DNAAF10: variants seen among roughly 807,000 people sequenced by gnomAD.
The protein encoded by DNAAF10 is dynein axonemal assembly factor 10.
A neutral mutation model predicts 43.7 loss-of-function variants in DNAAF10; 28 were observed. That is an observed-to-expected ratio of 0.64 (90% CI 0.48 to 0.88). DNAAF10 has a LOEUF of 0.88. Among genes scored for constraint, DNAAF10 ranks in the 40% least tolerant of loss-of-function variants. The pLI is 0.00. For missense variants in DNAAF10, 403 were observed against 439.1 expected (o/e 0.92, Z 0.73); for synonymous variants, 156 against 157.3 (o/e 0.99, Z 0.06).
chr2:68,153,836 C>T (rs542488262), intron 1 of DNAAF10, among the ~76,000 whole-genome samples: 9 of 132,830 alleles, frequency 6.8e-5, no homozygotes, highest in Admixed American at 6.5e-4. Context: ...ACTGCAACTT[C>T]TGCCTCCCGG....
intron 3 of DNAAF10, among the ~76,000 whole-genome samples, chr2:68,142,567 T>C (rs1673214769): frequency 6.6e-6 from 1 of 152,214 alleles, no homozygotes; most frequent in Non-Finnish European, 1.5e-5. Flanking sequence ...CCTAGAATAC[T>C]ATTTCATATA....
At chr2:68,140,706 T>C (rs925981898) in intron 4 of DNAAF10, among the ~76,000 whole-genome samples, 6 of 152,198 alleles carry the variant, frequency 3.9e-5, no homozygotes, top group Admixed American at 1.3e-4. Context: ...CAGGCCGTCC[T>C]AACACCTCTG....
At chr2:68,149,286 A>C (rs1673397937) in intron 1 of DNAAF10, among the ~76,000 whole-genome samples, 2 of 152,110 alleles carry the variant, frequency 1.3e-5, no homozygotes, top group South Asian at 4.1e-4. Context: ...GAACTTTCCT[A>C]TTGTTTGTGA....
intron 1 of DNAAF10, chr2:68,156,860 T>C: frequency 4.6e-6 from 1 of 218,248 alleles, no homozygotes; most frequent in Non-Finnish European, 9.2e-6. Context: ...TATGTATCGT[T>C]GCTTTGATTA....
intron 2 of DNAAF10, among the ~76,000 whole-genome samples, chr2:68,145,676 G>A (rs1673299057): frequency 6.6e-6 from 1 of 152,156 alleles, no homozygotes; most frequent in Non-Finnish European, 1.5e-5. Context: ...CTGCAAGACA[G>A]GCTGAAGTTC....
In DNAAF10 at chr2:68,141,719, CTT is replaced by C. The variant is rs747856723; in HGVS notation, c.490_491del (p.Lys164GlufsTer13). 16 of 1,613,998 alleles carry C rather than the reference CTT, an allele frequency of 9.9e-6. No individual in the cohort carries two copies. The highest frequency in any genetic ancestry group is 2.2e-5 in the South Asian group (2 of 91,058). ...CAAATGCCACAGTCCAACAGTCTCT[CTT>C]GTTTTCTCCTTGTACAGGTTCCATA... ...ANMEPVQGEN[K>X]RDCWTVAFGN... On this transcript the variant is annotated frameshift_variant, in exon 4 of 8. Transcript: ENST00000295121. LOFTEE classifies it high-confidence loss of function.
At chr2:68,144,380 T>C (rs1673263460) in intron 3 of DNAAF10, among the ~76,000 whole-genome samples, 1 of 152,210 alleles carries the variant, frequency 6.6e-6, no homozygotes, top group African/African-American at 2.4e-5. Flanking sequence ...TAATAAGTGC[T>C]ATGAATCTAT....
rs1230256533 is a variant in DNAAF10 at position 68,130,624 on chromosome 2, G to C, written c.*614C>G. ...ATAAAGATAAAATATGGAACTTCAG[G>C]GACACAGAACAAATCTGAAATATGT... On this transcript the variant is annotated 3_prime_UTR_variant, in exon 8 of 8. Coordinates refer to ENST00000295121, the MANE Select transcript of DNAAF10 (RefSeq NM_138458.4). 1 of 152,500 alleles carries C rather than the reference G, an allele frequency of 6.6e-6. No homozygotes were observed. Among genetic ancestry groups the C allele is most frequent in the Non-Finnish European group, 1.5e-5 (1 of 68,104 alleles). 9.4% of individuals were successfully genotyped at this position (152,500 alleles called of 1,614,324 possible). A position where few individuals can be genotyped will look rare whatever the true frequency, so the allele number is the denominator to read the frequency against.
intron 1 of DNAAF10, among the ~76,000 whole-genome samples, chr2:68,149,251 G>A (rs1006393357): frequency 6.6e-6 from 1 of 152,126 alleles, no homozygotes; most frequent in Non-Finnish European, 1.5e-5. Context: ...ATATGGTATA[G>A]GGCTTTGGAA....
In DNAAF10 at chr2:68,130,931, TTTTTG is replaced by T; in HGVS notation, c.*302_*306del. 5.8e-6 allele frequency: 1 copy of T among 171,928 alleles called. No individual in the cohort carries two copies. The highest frequency in any genetic ancestry group is 1.2e-5 in the Non-Finnish European group (1 of 81,610). 10.7% of individuals were successfully genotyped at this position (171,928 alleles called of 1,614,324 possible). A position where few individuals can be genotyped will look rare whatever the true frequency, so the allele number is the denominator to read the frequency against. On this transcript the variant is annotated 3_prime_UTR_variant, in exon 8 of 8. Transcript: ENST00000295121. ...TCCAAAGTCTTTTTTTTTTTTTTTT[TTTTTG>T]AGACAGTCTTGCTCAGTTGCCCAGG... is the stretch of plus-strand genomic sequence containing the variant.
In DNAAF10 at chr2:68,130,914, C is replaced by CTTTTTTTTTTTTTTTTTTTTTTTT. The variant is rs879114176; in HGVS notation, c.*323_*324insAAAAAAAAAAAAAAAAAAAAAAAA. 8.2e-6 allele frequency: 1 copy of CTTTTTTTTTTTTTTTTTTTTTTTT among 121,824 alleles called. No homozygotes were observed. The highest frequency in any genetic ancestry group is 3.7e-5 in the African/African-American group (1 of 27,012). 7.5% of individuals were successfully genotyped at this position (121,824 alleles called of 1,614,324 possible). A position where few individuals can be genotyped will look rare whatever the true frequency, so the allele number is the denominator to read the frequency against. On this transcript the variant is annotated 3_prime_UTR_variant, in exon 8 of 8. Transcript: ENST00000295121. ...CTCTGGAAGGTTTCAAGTCCAAAGT[C>CTTTTTTTTTTTTTTTTTTTTTTTT]TTTTTTTTTTTTTTTTTTTTTGAGA...
In DNAAF10 at chr2:68,137,338, T is replaced by C. The variant is rs1475891665; in HGVS notation, c.729A>G (p.Thr243=). The change falls in exon 6 of 8, where the codon ACA becomes ACG. Residue 243 remains threonine, a synonymous_variant. Transcript: ENST00000295121. ...EGKFHVFDMR[T]QHPTKGFASV... is the part of the protein sequence containing the mutation. ...AGGCAAAACCTTTGGTTGGATGCTG[T>C]GTTCTCATGTCAAAAACATGGAACT... is the stretch of plus-strand genomic sequence containing the variant. 4 of 1,613,540 alleles carry C rather than the reference T, an allele frequency of 2.5e-6. No individual in the cohort carries two copies. Among genetic ancestry groups the C allele is most frequent in the Admixed American group, 1.7e-5 (1 of 59,900 alleles).
rs189207251 is a variant in DNAAF10 at position 68,137,095 on chromosome 2, T to C, written c.768+204A>G. Among the ~76,000 whole-genome samples, 337 of 152,304 alleles carry C rather than the reference T, an allele frequency of 2.2e-3. 1 individual carries two copies. Among genetic ancestry groups the C allele is most frequent in the Middle Eastern group, 3.4e-3 (1 of 294 alleles). ...AAAATAAGATTCCTACCTGAGATCTTTATTATAATCAAGAAGTCTAAAGTT... is the reference window on the plus strand; with the variant it reads ...AAAATAAGATTCCTACCTGAGATCTCTATTATAATCAAGAAGTCTAAAGTT... On this transcript the variant is annotated intron_variant, in intron 6 of 7. Coordinates refer to ENST00000295121, the MANE Select transcript of DNAAF10 (RefSeq NM_138458.4).
chr2:68,155,096 G>C (rs1444343892), intron 1 of DNAAF10, among the ~76,000 whole-genome samples: 5 of 151,486 alleles, frequency 3.3e-5, no homozygotes, highest in African/African-American at 1.2e-4. Context: ...AAAGTCACAG[G>C]TCTAAGCCCT....
rs1481183469 is a variant in DNAAF10 at position 68,137,310 on chromosome 2, C to A, written c.757G>T (p.Val253Phe). 6.2e-6 allele frequency: 10 copies of A among 1,609,870 alleles called. No homozygotes were observed. Among genetic ancestry groups the A allele is most frequent in the Non-Finnish European group, 8.5e-6 (10 of 1,178,246 alleles). The change falls in exon 6 of 8, where the codon GTT becomes TTT. Residue 253 changes from valine (V) to phenylalanine (F), a missense_variant. Physicochemically the swap from Val to Phe is conservative, Grantham distance 50. Transcript: ENST00000295121. ...TCCCTCATATTTACCTTTTCTGAAA[C>A]AGAGGCAAAACCTTTGGTTGGATGC... ...TQHPTKGFAS[V>F]SEKAHKSTVW... is the part of the protein sequence containing the mutation.
intron 1 of DNAAF10, among the ~76,000 whole-genome samples, chr2:68,153,173 T>C (rs1184050483): frequency 6.6e-6 from 1 of 152,032 alleles, no homozygotes; most frequent in Non-Finnish European, 1.5e-5. Context: ...CACCTTTGTG[T>C]GGTGCAAAAA....
At chr2:68,144,887 T>C (rs1033726169) in intron 2 of DNAAF10, among the ~76,000 whole-genome samples, 172 bp from the exon 3 acceptor site, 1 of 152,186 alleles carries the variant, frequency 6.6e-6, no homozygotes, top group Non-Finnish European at 1.5e-5. Context: ...CCATTCAACT[T>C]CTTTCAAGCC....
At chr2:68,133,791 G>A (rs1041083839) in intron 7 of DNAAF10, among the ~76,000 whole-genome samples, 5 of 152,004 alleles carry the variant, frequency 3.3e-5, no homozygotes, top group South Asian at 2.1e-4. Flanking sequence ...TTTTGTCAGC[G>A]GTATCCCTGC....
At chr2:68,156,911 A>T (rs879460135) in intron 1 of DNAAF10, 1 of 304,940 alleles carries the variant, frequency 3.3e-6, no homozygotes, top group Non-Finnish European at 6.2e-6. Context: ...AAACTCCATG[A>T]GATGGGGGAC....
Sources: allele counts gnomAD v4.1 joint callset (sites outside exome capture counted in the v4.1 genomes callset), GRCh38; gene constraint gnomAD v4.1.1; transcripts MANE v1.5; gene names NCBI Gene and HGNC (gene_info 2026-07-23, HGNC 2026-07-21).